COL6A5: variants seen among roughly 807,000 people sequenced by gnomAD.
COL6A5 encodes the protein collagen alpha-5(VI) chain.
In COL6A5, 48 loss-of-function variants were observed where a neutral mutation model predicts 65.6. The ratio of observed to expected loss-of-function variants is 0.73; its 90% CI spans 0.58 to 0.93. The LOEUF is 0.93. Among genes scored for constraint, COL6A5 ranks in the 40% least tolerant of loss-of-function variants. The pLI, the probability that COL6A5 is intolerant of heterozygous loss-of-function variation, is 0.00. For missense variants in COL6A5, 914 were observed against 928.3 expected, an observed-to-expected ratio of 0.98 and a Z score of 0.20; for synonymous variants, 291 against 322.8, an observed-to-expected ratio of 0.90 and a Z score of 1.05.
chr3:130,393,403 T>G (rs1936474253), intron 7 of COL6A5, among the ~76,000 whole-genome samples: 1 of 152,166 alleles, frequency 6.6e-6, no homozygotes, highest in Admixed American at 6.5e-5. Context: ...ACTCCTTCTA[T>G]TTTCCAGGTG....
upstream of COL6A5, among the ~76,000 whole-genome samples, chr3:130,427,152 A>G (rs2107690148): frequency 6.6e-6 from 1 of 152,322 alleles, no homozygotes; most frequent in African/African-American, 2.4e-5. Context: ...AAATACAGGC[A>G]TTAAATATTA....
At chr3:130,444,606 G>A (rs1388794112) in intron 4 of COL6A5, among the ~76,000 whole-genome samples, 2 of 152,110 alleles carry the variant, frequency 1.3e-5, no homozygotes, top group Non-Finnish European at 2.9e-5. Context: ...TGAAGGCTTA[G>A]TCGTTCTCTC....
chr3:130,458,664 G>T (rs1709631659), intron 5 of COL6A5, among the ~76,000 whole-genome samples: 1 of 152,086 alleles, frequency 6.6e-6, no homozygotes, highest in Non-Finnish European at 1.5e-5. Flanking sequence ...TCACAGAATA[G>T]AAATGAGAAT....
intron 1 of COL6A5, among the ~76,000 whole-genome samples, chr3:130,435,544 T>A (rs1355075588): frequency 6.6e-6 from 1 of 152,220 alleles, no homozygotes; most frequent in African/African-American, 2.4e-5. Flanking sequence ...ATGACCATTT[T>A]CATAATATTG....
chr3:130,422,760 C>T (rs1275349643), exon 28 of COL6A5: 2 of 1,521,436 alleles, frequency 1.3e-6, no homozygotes, highest in Admixed American at 4.2e-5. Flanking sequence ...GGACCTGGAC[C>T]CAAAGGATTT....
intron 1 of COL6A5, among the ~76,000 whole-genome samples, chr3:130,351,269 TA>T (rs1336423832): frequency 6.6e-6 from 1 of 152,170 alleles, no homozygotes; most frequent in Non-Finnish European, 1.5e-5. Context: ...ACTTCTTGTC[TA>T]AAACACCAAA....
chr3:130,460,944 G>A (rs1273442304), intron 5 of COL6A5, among the ~76,000 whole-genome samples: 1 of 151,958 alleles, frequency 6.6e-6, no homozygotes, highest in Non-Finnish European at 1.5e-5. Flanking sequence ...TGATGGCTGT[G>A]GTGGTAGTGG....
intron 1 of COL6A5, among the ~76,000 whole-genome samples, chr3:130,353,374 G>A (rs182684825): frequency 3.3e-5 from 5 of 152,220 alleles, no homozygotes; most frequent in Admixed American, 6.5e-5. Context: ...CATTTGTTAC[G>A]TGCAAAACAA....
intron 4 of COL6A5, 44 bp from the exon 37 acceptor site, chr3:130,455,411 C>T: frequency 4.8e-6 from 6 of 1,249,708 alleles, no homozygotes; most frequent in African/African-American, 1.5e-5. Context: ...TTGCCTCCTT[C>T]TCTAAAGTTA....
At chr3:130,374,304 A>G (rs988994737) in intron 2 of COL6A5, among the ~76,000 whole-genome samples, 6 of 152,188 alleles carry the variant, frequency 3.9e-5, no homozygotes, top group African/African-American at 1.2e-4. Context: ...CCTGTACTGC[A>G]TGTTACTATG....
exon 8 of COL6A5, chr3:130,484,602 C>T: frequency 2.5e-6 from 1 of 398,864 alleles, no homozygotes; most frequent in Admixed American, 4.4e-5. Context: ...TTTCTCTTCA[C>T]CAGGACATTG....
chr3:130,368,897 C>A (rs956312978), intron 1 of COL6A5, among the ~76,000 whole-genome samples: 2 of 152,136 alleles, frequency 1.3e-5, no homozygotes, highest in African/African-American at 2.4e-5. Flanking sequence ...GATAAGGCAC[C>A]AGGGAGGCTA....
rs750186604 is a variant in COL6A5, at chr3:130,423,794, TAGAC to T, written c.5101-41_5101-38del. The T allele has an allele frequency of 1.6e-5, 23 of 1,432,668 alleles. No individual in the cohort carries two copies. The African/African-American group carries it at 2.3e-4, about 14-fold the overall frequency. The allele number at this position is 1,432,668 out of a possible 1,614,324, so 88.7% of individuals were successfully genotyped here. On this transcript the variant is annotated intron_variant and NMD_transcript_variant, in intron 28 of 41. Coordinates refer to the COL6A5 transcript ENST00000312481. ...TCGAAACTGAAGTAGTCCCCATAGATAGACAGTGTTGAAACTAATGTATTAATAT... is the reference window on the plus strand; with the variant it reads ...TCGAAACTGAAGTAGTCCCCATAGATAGTGTTGAAACTAATGTATTAATAT...
chr3:130,434,447 C>T (rs1003719123), intron 1 of COL6A5, among the ~76,000 whole-genome samples: 1 of 152,166 alleles, frequency 6.6e-6, no homozygotes, highest in African/African-American at 2.4e-5. Context: ...TTTGGATATA[C>T]ACCCAGTAAT....
intron 1 of COL6A5, among the ~76,000 whole-genome samples, chr3:130,363,876 G>A (rs148288380): frequency 1.3e-5 from 2 of 152,286 alleles, no homozygotes; most frequent in Admixed American, 6.5e-5. Flanking sequence ...CAGCTCATGA[G>A]TTTCTGCTCC....
intron 29 of COL6A5, among the ~76,000 whole-genome samples, chr3:130,424,241 A>G (rs1441897952): frequency 1.3e-5 from 2 of 152,168 alleles, no homozygotes; most frequent in Non-Finnish European, 2.9e-5. Flanking sequence ...GGTTAACTCC[A>G]GTGTTAACTC....
rs760091103 is a variant in COL6A5 at position 130,409,383 on chromosome 3, GA to G, written c.4538del (p.Asp1513ValfsTer101). The G allele has an allele frequency of 1.0e-5, 16 of 1,548,806 alleles. No individual in the cohort carries two copies. In the South Asian group the frequency reaches 1.9e-4, roughly 19 times the overall value. On this transcript the variant is annotated frameshift_variant and NMD_transcript_variant, in exon 18 of 42. Transcript: ENST00000312481. ...GTATGGAGAGAAGGGCTTCCCAGGG[GA>G]TCCGGTAAGTTTCTAGGGCCCAGTT...
In COL6A5 at chr3:130,373,707, T is replaced by C; in HGVS notation, c.67+2T>C. 1 of 1,514,852 alleles carries C rather than the reference T, an allele frequency of 6.6e-7. No individual in the cohort carries two copies. The highest frequency in any genetic ancestry group is 9.0e-7 in the Non-Finnish European group (1 of 1,116,810). 93.8% of individuals were successfully genotyped at this position (1,514,852 alleles called of 1,614,324 possible). ...AAACATTGGCAGACCAGAGCCCAGG[T>C]ATCAGTATATTTTACGTTTATTATT... On this transcript the variant is annotated splice_donor_variant and NMD_transcript_variant, in intron 2 of 41. Coordinates refer to the COL6A5 transcript ENST00000312481.
At chr3:130,459,235 C>T (rs1202244631) in intron 5 of COL6A5, among the ~76,000 whole-genome samples, 1 of 152,076 alleles carries the variant, frequency 6.6e-6, no homozygotes, top group Non-Finnish European at 1.5e-5. Flanking sequence ...AACACTTGAG[C>T]CTTCAGACTA....
Sources: allele counts gnomAD v4.1 joint callset (sites outside exome capture counted in the v4.1 genomes callset), GRCh38; gene constraint gnomAD v4.1.1; transcripts MANE v1.5; gene names NCBI Gene and HGNC (gene_info 2026-07-23, HGNC 2026-07-21).